The following GLIS3 variants were observed in gnomAD, a reference collection of about 807,000 sequenced individuals.
GLIS3 encodes GLIS family zinc finger 3.
A neutral mutation model predicts 78.6 loss-of-function variants in GLIS3; 53 were observed. The observed-to-expected ratio is 0.67, with a 90% CI of 0.54 to 0.85. The LOEUF (loss-of-function observed/expected upper bound fraction) is 0.85, where lower values mean the gene tolerates loss of function less well. GLIS3 is among the 40% of genes least tolerant of loss of function. The pLI is 0.00. For missense variants in GLIS3, 1,703 were observed against 1,231.1 expected (o/e 1.38, Z -5.74); for synonymous variants, 684 against 509.9 (o/e 1.34, Z -4.60).
chr9:4,365,741 T>C, the GLIS3 span, among the ~76,000 whole-genome samples: 1,228 of 152,280 alleles, frequency 8.1e-3, 26 homozygotes, highest in African/African-American at 0.028. Flanking sequence ...CTCACCCTAC[T>C]CCACTGACTG....
chr9:4,091,847 G>A (rs1486731388), intron 4 of GLIS3, among the ~76,000 whole-genome samples: 1 of 152,062 alleles, frequency 6.6e-6, no homozygotes, highest in Non-Finnish European at 1.5e-5. Flanking sequence ...AATACAGTAA[G>A]TATCTGTGTA....
chr9:4,479,628 G>A, the GLIS3 span, among the ~76,000 whole-genome samples: 4 of 152,108 alleles, frequency 2.6e-5, no homozygotes, highest in African/African-American at 9.7e-5. Flanking sequence ...TACCAAGGGT[G>A]GTTAGGAAAT....
At chr9:4,436,139 T>C in the GLIS3 span, among the ~76,000 whole-genome samples, 2 of 152,212 alleles carry the variant, frequency 1.3e-5, no homozygotes, top group East Asian at 1.9e-4. Context: ...ACAATGCTTC[T>C]CTAAGAATTT....
intron 4 of GLIS3, among the ~76,000 whole-genome samples, chr9:3,988,813 G>A (rs1353454044): frequency 6.6e-6 from 1 of 151,740 alleles, no homozygotes; most frequent in Non-Finnish European, 1.5e-5. Context: ...CAACTTTCAG[G>A]GAAAAAAAAA....
At chr9:4,405,346 C>G in the GLIS3 span, among the ~76,000 whole-genome samples, 5 of 145,196 alleles carry the variant, frequency 3.4e-5, no homozygotes, top group African/African-American at 1.3e-4. Context: ...AAGAGCGAAA[C>G]TCCATCTTAA....
chr9:3,930,937 T>C (rs380295), intron 6 of GLIS3, among the ~76,000 whole-genome samples: 145,326 of 152,206 alleles, frequency 0.95, 69,735 homozygotes, highest in East Asian at 1. Context: ...GTTAATAGCA[T>C]GCAAAAAGGG....
chr9:4,189,013 T>A (rs1427145630), intron 2 of GLIS3, among the ~76,000 whole-genome samples: 4 of 152,088 alleles, frequency 2.6e-5, no homozygotes, highest in Non-Finnish European at 5.9e-5. Context: ...CTGCTCTGAT[T>A]TTAGTTATTT....
At chr9:4,110,730 G>A (rs780113853) in intron 4 of GLIS3, among the ~76,000 whole-genome samples, 1 of 152,112 alleles carries the variant, frequency 6.6e-6, no homozygotes, top group East Asian at 1.9e-4. Context: ...GTTACAACAA[G>A]CATTGTCTTA....
intron 4 of GLIS3, among the ~76,000 whole-genome samples, chr9:4,042,858 T>A (rs1406437694): frequency 1.3e-5 from 2 of 151,976 alleles, no homozygotes; most frequent in Non-Finnish European, 2.9e-5. Context: ...GGAAATTATA[T>A]TGAGTTTGAG....
intron 2 of GLIS3, among the ~76,000 whole-genome samples, chr9:4,177,465 G>A (rs189051455): frequency 6.8e-4 from 104 of 152,318 alleles, no homozygotes; most frequent in Admixed American, 2.0e-3. Context: ...AGAGCCCAAT[G>A]TCTGAAACAG....
chr9:4,057,446 A>C (rs1826240443), intron 4 of GLIS3, among the ~76,000 whole-genome samples: 1 of 152,230 alleles, frequency 6.6e-6, no homozygotes, highest in Non-Finnish European at 1.5e-5. Context: ...GCACAAAAAC[A>C]GGTAACAATG....
the GLIS3 span, among the ~76,000 whole-genome samples, chr9:4,488,582 T>G: frequency 8.5e-5 from 13 of 152,158 alleles, no homozygotes; most frequent in African/African-American, 3.1e-4. Context: ...TGCTGCAGCG[T>G]GATCTCGGCT....
At chr9:4,380,463 CAAAGA>C in the GLIS3 span, among the ~76,000 whole-genome samples, 1 of 152,058 alleles carries the variant, frequency 6.6e-6, no homozygotes, top group African/African-American at 2.4e-5. Context: ...TCAAAAGCAC[CAAAGA>C]AGATAAAAAT....
intron 4 of GLIS3, among the ~76,000 whole-genome samples, chr9:4,024,550 T>C (rs1823155774): frequency 6.6e-6 from 1 of 152,134 alleles, no homozygotes; most frequent in African/African-American, 2.4e-5. Context: ...GTCTCTTCAT[T>C]TCTCCTGTTT....
the GLIS3 span, among the ~76,000 whole-genome samples, chr9:4,355,168 G>C: frequency 6.6e-6 from 1 of 151,942 alleles, no homozygotes; most frequent in South Asian, 2.1e-4. Flanking sequence ...AAAAGAGAGA[G>C]AGTTCCCTGA....
intron 4 of GLIS3, among the ~76,000 whole-genome samples, chr9:3,986,606 G>A (rs989359119): frequency 1.3e-5 from 2 of 152,218 alleles, no homozygotes; most frequent in African/African-American, 4.8e-5. Flanking sequence ...TGTCTTGAGA[G>A]CAGGGGCACT....
upstream of GLIS3, among the ~76,000 whole-genome samples, chr9:4,304,645 G>A (rs903636964): frequency 6.6e-6 from 1 of 152,142 alleles, no homozygotes; most frequent in Non-Finnish European, 1.5e-5. Context: ...AAAACTAGTG[G>A]AAATGAAGAA....
chr9:4,072,251 T>C (rs923613095), intron 4 of GLIS3, among the ~76,000 whole-genome samples: 2 of 152,238 alleles, frequency 1.3e-5, no homozygotes, highest in Admixed American at 6.5e-5. Flanking sequence ...CTTGACCATT[T>C]TCTAAGTATA....
intron 4 of GLIS3, among the ~76,000 whole-genome samples, chr9:3,955,011 G>A (rs779790025): frequency 5.3e-5 from 8 of 152,178 alleles, no homozygotes; most frequent in Non-Finnish European, 1.2e-4. Context: ...GGCCCCACCT[G>A]GTGCGCAGAA....
Sources: allele counts gnomAD v4.1 joint callset (sites outside exome capture counted in the v4.1 genomes callset), GRCh38; gene constraint gnomAD v4.1.1; transcripts MANE v1.5; gene names NCBI Gene and HGNC (gene_info 2026-07-23, HGNC 2026-07-21).